Variants in HMGN5 observed in about 807,000 individuals in gnomAD.
HMGN5 encodes high mobility group nucleosome binding domain 5.
In HMGN5, 4 loss-of-function variants were observed where a neutral mutation model predicts 9.5. The observed-to-expected ratio is 0.42, with a 90% CI of 0.21 to 0.96. HMGN5 has a LOEUF of 0.96. Ranked by LOEUF, HMGN5 falls within the 40% of genes least tolerant of loss-of-function variation. The pLI, the probability that HMGN5 is intolerant of heterozygous loss-of-function variation, is 0.30. For synonymous variants in HMGN5, 55 were observed against 57.1 expected, an observed-to-expected ratio of 0.96 and a Z score of 0.16; for missense variants, 192 against 187.5, an observed-to-expected ratio of 1.02 and a Z score of -0.14.
intron 1 of HMGN5, among the ~76,000 whole-genome samples, chrX:81,199,383 A>T (rs1954209379): frequency 8.9e-6 from 1 of 112,610 alleles, no homozygotes; most frequent in East Asian, 2.8e-4. Context: ...AACTACTTTA[A>T]AGTTCATATG....
chrX:81,146,933 C>T (rs2147558728), intron 1 of HMGN5, among the ~76,000 whole-genome samples: 1 of 111,669 alleles, frequency 9.0e-6, no homozygotes, highest in African/African-American at 3.3e-5. Context: ...ATACACCCTC[C>T]CAAGACTAAA....
intron 1 of HMGN5, among the ~76,000 whole-genome samples, chrX:81,200,434 T>C (rs5959839): frequency 0.034 from 3,787 of 111,919 alleles, 166 homozygotes; most frequent in African/African-American, 0.12. Flanking sequence ...GCACTATTCA[T>C]AATAGCAAAG....
intron 1 of HMGN5, among the ~76,000 whole-genome samples, chrX:81,128,499 T>G (rs2075290694): frequency 9.0e-6 from 1 of 111,552 alleles, no homozygotes; most frequent in East Asian, 2.8e-4. Flanking sequence ...GTCTACTTCA[T>G]ATACAGACAC....
rs529441098 is a variant in HMGN5 at position 81,130,995 on chromosome X, G to A, written c.-123-9323C>T. Among the ~76,000 whole-genome samples the A allele has an allele frequency of 3.8e-4, 42 of 111,337 alleles. No homozygotes were observed. In the South Asian group the frequency reaches 0.016, roughly 42 times the overall value. ...GGTCAGGGAAGAACTTACTCATGAG[G>A]CAAAGACAAACAAGAGAGATGGATG... On this transcript the variant is annotated intron_variant, in intron 1 of 6. Transcript: ENST00000358130.
intron 1 of HMGN5, among the ~76,000 whole-genome samples, chrX:81,153,897 G>A (rs2075376015): frequency 9.5e-6 from 1 of 105,818 alleles, no homozygotes; most frequent in Non-Finnish European, 1.9e-5. Context: ...CCAAAAAAAA[G>A]GAAAAATACC....
chrX:81,164,218 T>A (rs926363207), intron 1 of HMGN5, among the ~76,000 whole-genome samples: 2 of 112,151 alleles, frequency 1.8e-5, no homozygotes, highest in Non-Finnish European at 3.8e-5. Context: ...GAAATTTTAG[T>A]TCAATGTATT....
intron 1 of HMGN5, among the ~76,000 whole-genome samples, chrX:81,129,304 T>G (rs780801694): frequency 9.0e-6 from 1 of 110,791 alleles, no homozygotes; most frequent in East Asian, 3.0e-4. Context: ...CAGCATTTGG[T>G]ACCTGAAAAA....
At chrX:81,139,815 G>A (rs892610440) in intron 1 of HMGN5, among the ~76,000 whole-genome samples, 9 of 112,216 alleles carry the variant, frequency 8.0e-5, no homozygotes, top group Non-Finnish European at 1.7e-4. Context: ...TAGTCAGAGG[G>A]GAATTGTGGA....
chrX:81,188,063 A>G (rs2075482377), intron 1 of HMGN5, among the ~76,000 whole-genome samples: 1 of 109,244 alleles, frequency 9.2e-6, no homozygotes, highest in South Asian at 3.8e-4. Context: ...CTTATATCTT[A>G]TTGTACTGTC....
At chrX:81,139,710 G>A (rs5913407) in intron 1 of HMGN5, among the ~76,000 whole-genome samples, 43,351 of 110,341 alleles carry the variant, frequency 0.39, 8,198 homozygotes, top group Non-Finnish European at 0.57. Context: ...GCAACAGTGA[G>A]GCACTGAACT....
chrX:81,192,608 C>CT (rs1242259561), intron 1 of HMGN5, among the ~76,000 whole-genome samples: 2 of 111,803 alleles, frequency 1.8e-5, no homozygotes, highest in Non-Finnish European at 3.8e-5. Context: ...TAGCTATAAT[C>CT]TTTTTTATTT....
intron 1 of HMGN5, among the ~76,000 whole-genome samples, chrX:81,145,580 G>A (rs1310049057): frequency 8.9e-6 from 1 of 111,941 alleles, no homozygotes; most frequent in Non-Finnish European, 1.9e-5. Flanking sequence ...ACGCTATGAA[G>A]AAACTGCATC....
At chrX:81,140,477 G>A (rs767280866) in intron 1 of HMGN5, among the ~76,000 whole-genome samples, 44 of 106,272 alleles carry the variant, frequency 4.1e-4, no homozygotes, top group South Asian at 2.2e-3. Flanking sequence ...GGAGAATGGC[G>A]TGAACCCGGA....
At chrX:81,139,249 T>C (rs2075320854) in intron 1 of HMGN5, among the ~76,000 whole-genome samples, 2 of 112,398 alleles carry the variant, frequency 1.8e-5, no homozygotes, top group South Asian at 3.6e-4. Context: ...ATCAAAGCAG[T>C]GTGGTTTGGC....
intron 1 of HMGN5, among the ~76,000 whole-genome samples, chrX:81,142,058 G>A (rs1365680408): frequency 3.6e-5 from 4 of 111,826 alleles, no homozygotes; most frequent in African/African-American, 6.5e-5. Flanking sequence ...AAATGCAATT[G>A]GTATACTGAA....
intron 1 of HMGN5, among the ~76,000 whole-genome samples, chrX:81,124,532 C>CT (rs34436136): frequency 8.9e-6 from 1 of 112,018 alleles, no homozygotes; most frequent in Non-Finnish European, 1.9e-5. Context: ...TTGATTTTTC[C>CT]TTTTTTTCCC....
At chrX:81,186,109 G>C (rs1012239803) in intron 1 of HMGN5, among the ~76,000 whole-genome samples, 1 of 111,321 alleles carries the variant, frequency 9.0e-6, no homozygotes, top group African/African-American at 3.3e-5. Flanking sequence ...TTTTGTATCA[G>C]AGCAATACTG....
intron 1 of HMGN5, chrX:81,195,427 G>C (rs1178983206): frequency 1.8e-5 from 2 of 111,151 alleles, no homozygotes; most frequent in Admixed American, 1.9e-4. Context: ...GGGTGGGTAA[G>C]CATCTCCCAG....
intron 1 of HMGN5, among the ~76,000 whole-genome samples, chrX:81,122,045 A>G (rs1451576269): frequency 8.9e-6 from 1 of 112,180 alleles, no homozygotes; most frequent in Non-Finnish European, 1.9e-5. Context: ...CCCTATTCCT[A>G]GCGGGATAAG....
Sources: allele counts gnomAD v4.1 joint callset (sites outside exome capture counted in the v4.1 genomes callset), GRCh38; gene constraint gnomAD v4.1.1; transcripts MANE v1.5; gene names NCBI Gene and HGNC (gene_info 2026-07-23, HGNC 2026-07-21).